The following KIRREL3 variants were observed in gnomAD, a reference collection of about 807,000 sequenced individuals.
The protein encoded by KIRREL3 is kin of IRRE-like protein 3.
KIRREL3 carries 36 observed loss-of-function variants against 89.7 expected under a neutral mutation model. The observed-to-expected ratio is 0.40, with a 90% confidence interval of 0.31 to 0.53. KIRREL3 has a LOEUF of 0.53. Ranked by LOEUF, KIRREL3 falls within the 20% of genes least tolerant of loss-of-function variation. The probability of loss-of-function intolerance (pLI) is 0.49; values close to 1 mark genes in which losing one functional copy is unlikely to be tolerated. For missense variants in KIRREL3, 864 were observed against 1,056.6 expected, an observed-to-expected ratio of 0.82 and a Z score of 2.53; for synonymous variants, 445 against 441.4, an observed-to-expected ratio of 1.01 and a Z score of -0.10.
rs1565442672 is a variant in KIRREL3 at position 126,430,072 on chromosome 11, C to CCG, written c.1697-785_1697-784insCG. ...TCGCTTGAATGAACCCGGGAGGCAG[C>CCG]GGCTGCGGTAAGCCGAGATTGTGCC... On this transcript the variant is annotated intron_variant, in intron 14 of 16. Transcript: ENST00000525144. The surrounding 1 kb of genome is among the most constrained non-coding windows in gnomAD (Gnocchi z 6.6). Among the ~76,000 whole-genome samples the CCG allele has an allele frequency of 2.6e-5, 4 of 151,420 alleles. No individual in the cohort carries two copies. The highest frequency in any genetic ancestry group is 9.7e-5 in the African/African-American group (4 of 41,100).
At position 126,557,661 on chromosome 11, in the gene KIRREL3, G is replaced by T. The variant is rs936878544; in HGVS notation, c.133+5174C>A. On this transcript the variant is annotated intron_variant, in intron 2 of 16. Coordinates refer to ENST00000525144, the MANE Select transcript of KIRREL3 (RefSeq NM_032531.4). This position sits in a 1 kb window ranked among gnomAD's most constrained non-coding sequence, Gnocchi z 5.6. ...CTCATTTTTTTATTAGTGTACGAGG[G>T]TGCATAAAGAACAGGCTCTCACGCC... is the stretch of plus-strand genomic sequence containing the variant. Among the ~76,000 whole-genome samples, 42 of 152,160 alleles carry T rather than the reference G, an allele frequency of 2.8e-4. No homozygotes were observed. The highest frequency in any genetic ancestry group is 6.2e-4 in the Non-Finnish European group (42 of 68,038).
chr11:126,802,273 A>G lies in KIRREL3; in HGVS notation c.55+198182T>C, dbSNP rs1431585732. 6.6e-6 allele frequency among the ~76,000 whole-genome samples: 1 copy of G among 152,172 alleles called. No homozygotes were observed. Among genetic ancestry groups the G allele is most frequent in the Non-Finnish European group, 1.5e-5 (1 of 68,028 alleles). ...AGAGATCCTCCAGGTGGAGTGGGCC[A>G]TGGTCAAGGCAGGTGGGGGCAGAAA... On this transcript the variant is annotated intron_variant, in intron 1 of 16. Transcript: ENST00000525144. The surrounding 1 kb of genome is among the most constrained non-coding windows in gnomAD (Gnocchi z 5.2).
chr11:126,693,275 G>T (rs1202918184), intron 1 of KIRREL3, among the ~76,000 whole-genome samples: 1 of 152,154 alleles, frequency 6.6e-6, no homozygotes, highest in Non-Finnish European at 1.5e-5. Context: ...AAAAAAATTA[G>T]CCGGGCGTGG....
intron 1 of KIRREL3, among the ~76,000 whole-genome samples, chr11:126,864,059 C>T (rs1036945266): frequency 6.6e-6 from 1 of 152,232 alleles, no homozygotes; most frequent in Admixed American, 6.5e-5. Flanking sequence ...ACCGGGCATC[C>T]TCCTTAAAGC....
rs142644950 is a variant in KIRREL3, at chr11:126,682,156, A to G, written c.56-119244T>C. 7 of 331,070 alleles carry G rather than the reference A, an allele frequency of 2.1e-5. No homozygotes were observed. The highest frequency in any genetic ancestry group is 1.5e-4 in the African/African-American group (7 of 46,554). 20.5% of individuals were successfully genotyped at this position (331,070 alleles called of 1,614,324 possible). Reference sequence around the variant, plus strand: ...TGGGTGAAGGAAGAGTGGGCATCACAGAGCTGCTGTGGAGTGTGTGCACAG... The same window carrying G: ...TGGGTGAAGGAAGAGTGGGCATCACGGAGCTGCTGTGGAGTGTGTGCACAG... On this transcript the variant is annotated intron_variant, in intron 1 of 16. Transcript: ENST00000525144. The surrounding 1 kb of genome is among the most constrained non-coding windows in gnomAD (Gnocchi z 4.8).
intron 1 of KIRREL3, among the ~76,000 whole-genome samples, chr11:126,616,882 T>A (rs537374084): frequency 2.0e-5 from 3 of 152,356 alleles, no homozygotes; most frequent in Admixed American, 1.3e-4. Context: ...GCTCAAGTGA[T>A]CCTCCTGCCT....
chr11:126,725,992 C>T (rs79566344), intron 1 of KIRREL3, among the ~76,000 whole-genome samples: 1 of 152,172 alleles, frequency 6.6e-6, no homozygotes, highest in Non-Finnish European at 1.5e-5. Flanking sequence ...CCCATAAATA[C>T]TTCTTGAATG....
intron 1 of KIRREL3, among the ~76,000 whole-genome samples, chr11:126,961,022 A>G (rs528284698): frequency 3.3e-5 from 5 of 152,280 alleles, no homozygotes; most frequent in South Asian, 2.1e-4. Context: ...ACACCATATG[A>G]GATGGTGAGC....
intron 1 of KIRREL3, among the ~76,000 whole-genome samples, chr11:126,631,016 C>G (rs557012148): frequency 6.6e-6 from 1 of 152,278 alleles, no homozygotes; most frequent in South Asian, 2.1e-4. Flanking sequence ...GCCTGGTGTT[C>G]CCCACACCAA....
At chr11:126,801,203 T>G (rs2134393763) in intron 1 of KIRREL3, among the ~76,000 whole-genome samples, 1 of 152,314 alleles carries the variant, frequency 6.6e-6, no homozygotes. Flanking sequence ...TTATGAAAAA[T>G]ATTTCTTAAA....
In KIRREL3 at chr11:126,568,039, C is replaced by T. The variant is rs750435040; in HGVS notation, c.56-5127G>A. Among the ~76,000 whole-genome samples, 7 of 152,066 alleles carry T rather than the reference C, an allele frequency of 4.6e-5. No individual in the cohort carries two copies. The highest frequency in any genetic ancestry group is 7.4e-5 in the Non-Finnish European group (5 of 67,994). ...CCTTCCCACCTGAAGCTAGTAGACTCGAGCACGTCTCTGGAAGCCTATCAA... is the reference window on the plus strand; with the variant it reads ...CCTTCCCACCTGAAGCTAGTAGACTTGAGCACGTCTCTGGAAGCCTATCAA... On this transcript the variant is annotated intron_variant, in intron 1 of 16. Transcript: ENST00000525144. The surrounding 1 kb of genome is among the most constrained non-coding windows in gnomAD (Gnocchi z 4.6).
rs187961112 is a variant in KIRREL3, at chr11:126,890,270, C to T, written c.55+110185G>A. On this transcript the variant is annotated intron_variant, in intron 1 of 16. Coordinates refer to ENST00000525144, the MANE Select transcript of KIRREL3 (RefSeq NM_032531.4). The surrounding 1 kb of genome is among the most constrained non-coding windows in gnomAD (Gnocchi z 5.1). ...TTCCTGAGCAGCCTTCCGAGAGTGC[C>T]TCATACCTAAGACAGTCAGCCCTGA... Among the ~76,000 whole-genome samples the T allele has an allele frequency of 6.6e-6, 1 of 152,274 alleles. No homozygotes were observed. Among genetic ancestry groups the T allele is most frequent in the African/African-American group, 2.4e-5 (1 of 41,554 alleles).
At position 126,495,364 on chromosome 11, in the gene KIRREL3, C is replaced by G. The variant is rs1256989806; in HGVS notation, c.434-21898G>C. Among the ~76,000 whole-genome samples, 1 of 152,142 alleles carries G rather than the reference C, an allele frequency of 6.6e-6. No individual in the cohort carries two copies. Among genetic ancestry groups the G allele is most frequent in the Non-Finnish European group, 1.5e-5 (1 of 68,022 alleles). On this transcript the variant is annotated intron_variant, in intron 4 of 16. Transcript: ENST00000525144. This position sits in a 1 kb window ranked among gnomAD's most constrained non-coding sequence, Gnocchi z 6.5. Reference sequence around the variant, plus strand: ...CCCAGAGATCCTCTACATGAACCTCCCTCTCTGCGCCCTACCTCCAGCACC... The same window carrying G: ...CCCAGAGATCCTCTACATGAACCTCGCTCTCTGCGCCCTACCTCCAGCACC...
At chr11:126,660,415 C>T (rs1387130091) in intron 1 of KIRREL3, among the ~76,000 whole-genome samples, 1 of 152,194 alleles carries the variant, frequency 6.6e-6, no homozygotes, top group Middle Eastern at 3.2e-3. Flanking sequence ...ACGTGCATTG[C>T]ATCATTGCAT....
At position 126,574,173 on chromosome 11, in the gene KIRREL3, C is replaced by T. The variant is rs1219855466; in HGVS notation, c.56-11261G>A. 1.3e-5 allele frequency among the ~76,000 whole-genome samples: 2 copies of T among 152,196 alleles called. No individual in the cohort carries two copies. The highest frequency in any genetic ancestry group is 2.4e-5 in the African/African-American group (1 of 41,448). On this transcript the variant is annotated intron_variant, in intron 1 of 16. Coordinates refer to ENST00000525144, the MANE Select transcript of KIRREL3 (RefSeq NM_032531.4). This position sits in a 1 kb window ranked among gnomAD's most constrained non-coding sequence, Gnocchi z 5.3. ...GTTGAAGAAGTAAATACATGTTCTT[C>T]TTTAACCCTAAACATTTATGGAGGA...
intron 1 of KIRREL3, among the ~76,000 whole-genome samples, chr11:126,762,878 C>G (rs1305083283): frequency 6.6e-6 from 1 of 152,116 alleles, no homozygotes; most frequent in Non-Finnish European, 1.5e-5. Context: ...GAGCAAAACT[C>G]TATTGAATTT....
intron 1 of KIRREL3, chr11:126,681,711 G>A (rs969554625): frequency 5.7e-6 from 2 of 352,042 alleles, no homozygotes; most frequent in African/African-American, 2.1e-5. Context: ...GTGTATAGTA[G>A]GTGATCAATA....
At chr11:126,863,580 T>C (rs1592243405) in intron 1 of KIRREL3, among the ~76,000 whole-genome samples, 1 of 145,548 alleles carries the variant, frequency 6.9e-6, no homozygotes, top group East Asian at 2.1e-4. Flanking sequence ...TGACTGCGTG[T>C]GAGTGTGTGT....
chr11:126,907,926 C>T (rs570262915), intron 1 of KIRREL3, among the ~76,000 whole-genome samples: 23 of 152,214 alleles, frequency 1.5e-4, no homozygotes, highest in Admixed American at 3.3e-4. Context: ...CTGGGATCTG[C>T]GTGGCTTGCT....
Sources: gnomAD v4.1 joint callset for allele counts (sites outside exome capture counted in the v4.1 genomes callset) on GRCh38, gnomAD v4.1.1 for gene constraint, Gnocchi (gnomAD v3.1) non-coding constraint, MANE v1.5 for transcripts, NCBI Gene and HGNC (gene_info 2026-07-23, HGNC 2026-07-21) for gene names.